RPF2: variants seen among roughly 807,000 people sequenced by gnomAD.
The protein encoded by RPF2 is brix domain containing 1.
A neutral mutation model predicts 38.9 loss-of-function variants in RPF2; 21 were observed. The ratio of observed to expected loss-of-function variants is 0.54; its 90% CI spans 0.38 to 0.78. The LOEUF is 0.78. Ranked by LOEUF, RPF2 falls within the 30% of genes least tolerant of loss-of-function variation. RPF2 has a pLI of 0.00. For missense variants in RPF2, 314 were observed against 358.1 expected (o/e 0.88, Z 0.99); for synonymous variants, 121 against 126.2 (o/e 0.96, Z 0.28).
chr6:111,007,675 T>C (rs1324243915), intron 6 of RPF2, among the ~76,000 whole-genome samples: 1 of 152,192 alleles, frequency 6.6e-6, no homozygotes, highest in African/African-American at 2.4e-5. Context: ...CCAGGCACAG[T>C]GGCTCTCACC....
At chr6:111,014,323 A>G (rs879797998) in intron 7 of RPF2, among the ~76,000 whole-genome samples, 10 of 151,982 alleles carry the variant, frequency 6.6e-5, no homozygotes, top group South Asian at 2.1e-4. Flanking sequence ...TAGTAGAGAT[A>G]GGGTTTCACT....
At chr6:111,024,969 A>C (rs1772298214) in intron 9 of RPF2, among the ~76,000 whole-genome samples, 1 of 152,240 alleles carries the variant, frequency 6.6e-6, no homozygotes, top group Non-Finnish European at 1.5e-5. Context: ...CCATATGTGC[A>C]TAAAATGTGT....
At chr6:111,005,310 GA>G (rs1207094395) in intron 6 of RPF2, among the ~76,000 whole-genome samples, 1 of 152,086 alleles carries the variant, frequency 6.6e-6, no homozygotes, top group Non-Finnish European at 1.5e-5. Flanking sequence ...CTGGATTTTG[GA>G]TAGTTCTTGA....
chr6:111,020,447 C>G (rs1392928750), intron 8 of RPF2, among the ~76,000 whole-genome samples: 1 of 152,190 alleles, frequency 6.6e-6, no homozygotes, highest in Non-Finnish European at 1.5e-5. Flanking sequence ...GCCTAAAACT[C>G]TTCTGTGTTG....
chr6:110,984,631 G>A (rs1324901886), intron 1 of RPF2, among the ~76,000 whole-genome samples: 2 of 152,130 alleles, frequency 1.3e-5, no homozygotes, highest in Non-Finnish European at 2.9e-5. Flanking sequence ...CCTGAGGTCA[G>A]TAGTTCGAGA....
Position 111,027,985 on chromosome 6 carries a change from G to C in RPF2, c.*2403G>C, listed in dbSNP as rs1198028665. 1 of 152,140 alleles carries C rather than the reference G, an allele frequency of 6.6e-6. No homozygotes were observed. Among genetic ancestry groups the C allele is most frequent in the Non-Finnish European group, 1.5e-5 (1 of 68,030 alleles). 9.4% of individuals were successfully genotyped at this position (152,140 alleles called of 1,614,324 possible). On this transcript the variant is annotated 3_prime_UTR_variant, in exon 10 of 10. Transcript: ENST00000441448. ...CTATGTATTCATTTCAATGGAGGTG[G>C]TAAATTGCCTGTTTTAAGTTTTACT... is the stretch of plus-strand genomic sequence containing the variant.
intron 5 of RPF2, among the ~76,000 whole-genome samples, chr6:110,997,805 A>G (rs901853899): frequency 6.6e-6 from 1 of 151,786 alleles, no homozygotes; most frequent in Admixed American, 6.6e-5. Context: ...TGAGAGATTC[A>G]TGTGTGCTGT....
intron 4 of RPF2, among the ~76,000 whole-genome samples, chr6:110,992,445 C>CTTTTTTTTTTTTTTT (rs56993092): frequency 7.1e-6 from 1 of 141,502 alleles, no homozygotes; most frequent in Non-Finnish European, 1.5e-5. Context: ...GATGTTTTTA[C>CTTTTTTTTTTTTTTT]TTTTTTTTTT....
rs187737055 is a variant in RPF2 at position 111,016,789 on chromosome 6, T to C, written c.596+933T>C. Among the ~76,000 whole-genome samples the C allele has an allele frequency of 1.6e-3, 236 of 148,540 alleles. 1 individual carries two copies. The highest frequency in any genetic ancestry group is 5.5e-3 in the African/African-American group (220 of 39,960). On this transcript the variant is annotated intron_variant, in intron 8 of 9. Coordinates refer to ENST00000441448, the MANE Select transcript of RPF2 (RefSeq NM_032194.3). ...GAGGGAAGGTCAGCAGATAAACAAG[T>C]GAACAAAGGTCTCTGGTTTTCCTAG...
chr6:111,005,359 C>T (rs887015651), intron 6 of RPF2, among the ~76,000 whole-genome samples: 1 of 152,096 alleles, frequency 6.6e-6, no homozygotes, highest in African/African-American at 2.4e-5. Context: ...GAAGCTCAGA[C>T]CAACAGTCAT....
rs773030953 is a variant in RPF2 at position 110,982,143 on chromosome 6, G to A, written c.23+14G>A. 2.2e-5 allele frequency: 35 copies of A among 1,614,056 alleles called. No homozygotes were observed. The highest frequency in any genetic ancestry group is 2.7e-5 in the Non-Finnish European group (32 of 1,179,996). On this transcript the variant is annotated intron_variant, in intron 1 of 9. Coordinates refer to ENST00000441448, the MANE Select transcript of RPF2 (RefSeq NM_032194.3). ...GGATCGAGTAGTGTAAGTGCGCTGG[G>A]TCTCAGCCCCGGGGAGCGTTGGGGT... is the stretch of plus-strand genomic sequence containing the variant.
chr6:111,004,097 G>C (rs1213415312), intron 6 of RPF2, among the ~76,000 whole-genome samples: 1 of 151,918 alleles, frequency 6.6e-6, no homozygotes, highest in Non-Finnish European at 1.5e-5. Flanking sequence ...ATAGATGTGA[G>C]CCACCATGCC....
chr6:110,988,215 A>G (rs1208058746), intron 2 of RPF2, among the ~76,000 whole-genome samples: 2 of 152,208 alleles, frequency 1.3e-5, no homozygotes. Context: ...AAATAAATAA[A>G]TAAAATAAAA....
chr6:111,017,260 G>T (rs749700369), intron 8 of RPF2, among the ~76,000 whole-genome samples: 35 of 148,082 alleles, frequency 2.4e-4, no homozygotes, highest in African/African-American at 8.6e-4. Context: ...AGGGGTGGCC[G>T]GGCAGAGGTG....
At chr6:111,014,415 AGC>A (rs1413054000) in intron 7 of RPF2, among the ~76,000 whole-genome samples, 1 of 152,178 alleles carries the variant, frequency 6.6e-6, no homozygotes, top group African/African-American at 2.4e-5. Context: ...TACAGGCATG[AGC>A]CACTGCACCT....
chr6:110,990,630 C>G (rs528020274), intron 3 of RPF2, among the ~76,000 whole-genome samples: 1 of 146,674 alleles, frequency 6.8e-6, no homozygotes, highest in South Asian at 2.3e-4. Flanking sequence ...TTTCACCCAG[C>G]CTGGAGTGCA....
chr6:111,018,166 C>T (rs560648666), intron 8 of RPF2, among the ~76,000 whole-genome samples: 7 of 146,152 alleles, frequency 4.8e-5, no homozygotes, highest in Admixed American at 2.8e-4. Context: ...GGCAGCAGTA[C>T]AGTCCAGCTT....
At chr6:110,989,173 ATTCC>A (rs1331269776) in intron 3 of RPF2, 108 bp downstream of exon 3, 2 of 1,121,590 alleles carry the variant, frequency 1.8e-6, no homozygotes, top group Non-Finnish European at 2.4e-6. Flanking sequence ...AGATATTAAA[ATTCC>A]TTACAGTTAT....
At chr6:111,007,872 G>A (rs774466115) in intron 6 of RPF2, among the ~76,000 whole-genome samples, 166 bp from the exon 7 acceptor site, 3 of 152,072 alleles carry the variant, frequency 2.0e-5, no homozygotes, top group East Asian at 1.9e-4. Flanking sequence ...GCTTGAACCC[G>A]GGAGGTGGAG....
Sources: gnomAD v4.1 joint callset for allele counts (sites outside exome capture counted in the v4.1 genomes callset) on GRCh38, gnomAD v4.1.1 for gene constraint, MANE v1.5 for transcripts, NCBI Gene and HGNC (gene_info 2026-07-23, HGNC 2026-07-21) for gene names.